ENOX1: variants seen among roughly 807,000 people sequenced by gnomAD.
ENOX1 encodes the protein ecto-NOX disulfide-thiol exchanger 1, also known as candidate growth-related and time keeping constitutive hydroquinone (NADH) oxidase.
ENOX1 carries 42 observed loss-of-function variants against 82.5 expected under a neutral mutation model. The ratio of observed to expected loss-of-function variants is 0.51; its 90% CI spans 0.40 to 0.66. ENOX1 has a LOEUF of 0.66. ENOX1 is among the 30% of genes least tolerant of loss of function. The pLI is 0.00. For synonymous variants in ENOX1, 271 were observed against 282.2 expected, an observed-to-expected ratio of 0.96 and a Z score of 0.40; for missense variants, 608 against 811.6, an observed-to-expected ratio of 0.75 and a Z score of 3.05.
At chr13:43,413,858 A>G (rs2054289398) in intron 3 of ENOX1, among the ~76,000 whole-genome samples, 1 of 151,716 alleles carries the variant, frequency 6.6e-6, no homozygotes, top group Non-Finnish European at 1.5e-5. Flanking sequence ...TAGAAATGCA[A>G]AAACAGAGCT....
chr13:43,316,171 G>A (rs919742459), intron 11 of ENOX1, among the ~76,000 whole-genome samples: 3 of 152,200 alleles, frequency 2.0e-5, no homozygotes, highest in African/African-American at 7.2e-5. Flanking sequence ...CAGGAGCTGG[G>A]AACATGCTGG....
At chr13:43,549,459 C>T (rs559564364) in intron 2 of ENOX1, among the ~76,000 whole-genome samples, 5 of 152,270 alleles carry the variant, frequency 3.3e-5, no homozygotes, top group South Asian at 2.1e-4. Flanking sequence ...AACAAAAAAA[C>T]GAGTAAAATA....
intron 14 of ENOX1, among the ~76,000 whole-genome samples, chr13:43,262,465 G>A (rs1272174066): frequency 6.6e-6 from 1 of 152,146 alleles, no homozygotes; most frequent in African/African-American, 2.4e-5. Flanking sequence ...TTGGTCCAGA[G>A]GCTTTAAACC....
chr13:43,530,364 T>C (rs1221937583), intron 2 of ENOX1, among the ~76,000 whole-genome samples: 4 of 152,156 alleles, frequency 2.6e-5, no homozygotes, highest in Non-Finnish European at 5.9e-5. Context: ...TCATCTCTGA[T>C]AGGAACCCAC....
chr13:43,730,352 T>C lies in ENOX1; in HGVS notation c.-285+56300A>G, dbSNP rs888301761. On this transcript the variant is annotated intron_variant, in intron 1 of 16. Coordinates refer to ENST00000690772, the MANE Select transcript of ENOX1 (RefSeq NM_001347969.2). ...CCTTATTCTCCACTTCTATTCTCAA[T>C]CTGTTGTTAGCACCAGCCATCCACC... 1.3e-5 allele frequency among the ~76,000 whole-genome samples: 2 copies of C among 152,278 alleles called. 1 individual carries two copies. The highest frequency in any genetic ancestry group is 1.3e-4 in the Admixed American group (2 of 15,276).
chr13:43,261,989 TAAAA>T (rs541865240), intron 14 of ENOX1, among the ~76,000 whole-genome samples: 1 of 147,468 alleles, frequency 6.8e-6, no homozygotes, highest in African/African-American at 2.5e-5. Flanking sequence ...TAAAGTATAA[TAAAA>T]AAAAAATCAT....
chr13:43,576,550 C>T (rs2080433471), intron 2 of ENOX1, among the ~76,000 whole-genome samples: 2 of 151,896 alleles, frequency 1.3e-5, no homozygotes. Flanking sequence ...AAACACATGC[C>T]AGATTTGACA....
At chr13:43,401,781 A>C (rs967585267) in intron 5 of ENOX1, among the ~76,000 whole-genome samples, 28 of 152,208 alleles carry the variant, frequency 1.8e-4, no homozygotes, top group Non-Finnish European at 3.7e-4. Context: ...TTTGCCTCAG[A>C]AACCGGATGA....
intron 15 of ENOX1, among the ~76,000 whole-genome samples, chr13:43,235,835 T>C (rs2042520483): frequency 6.6e-6 from 1 of 152,130 alleles, no homozygotes; most frequent in South Asian, 2.1e-4. Context: ...TCTTCAGTCT[T>C]AACCATGCCA....
intron 1 of ENOX1, among the ~76,000 whole-genome samples, chr13:43,751,994 C>G (rs1950347469): frequency 6.6e-6 from 1 of 152,188 alleles, no homozygotes; most frequent in Non-Finnish European, 1.5e-5. Context: ...TACATTCCCA[C>G]TAACAGTGTG....
chr13:43,778,270 T>C (rs1012299317), intron 1 of ENOX1, among the ~76,000 whole-genome samples: 1 of 152,244 alleles, frequency 6.6e-6, no homozygotes, highest in Non-Finnish European at 1.5e-5. Flanking sequence ...AAGCATTCAA[T>C]TCAAAACAGC....
chr13:43,330,226 A>T (rs1475460755), intron 9 of ENOX1, among the ~76,000 whole-genome samples: 2 of 152,236 alleles, frequency 1.3e-5, no homozygotes, highest in African/African-American at 2.4e-5. Context: ...AGAAAGATAT[A>T]ACCAGCAAAC....
chr13:43,731,527 G>GTTT (rs5803210), intron 1 of ENOX1, among the ~76,000 whole-genome samples: 12 of 147,896 alleles, frequency 8.1e-5, no homozygotes, highest in African/African-American at 1.5e-4. Flanking sequence ...TCCTGTTTTT[G>GTTT]TTTTTTTTTT....
intron 11 of ENOX1, among the ~76,000 whole-genome samples, chr13:43,303,091 C>T (rs141238881): frequency 1.7e-4 from 26 of 152,354 alleles, no homozygotes; most frequent in Middle Eastern, 3.4e-3. Context: ...GCTGGAAGGA[C>T]GCTGCTGAAC....
At chr13:43,760,498 C>A (rs1001447508) in intron 1 of ENOX1, among the ~76,000 whole-genome samples, 2 of 152,102 alleles carry the variant, frequency 1.3e-5, no homozygotes, top group African/African-American at 4.8e-5. Context: ...GCCTGGAACC[C>A]AACGTGTGCA....
chr13:43,352,766 T>C (rs900254415), intron 8 of ENOX1, among the ~76,000 whole-genome samples: 18 of 152,200 alleles, frequency 1.2e-4, no homozygotes, highest in African/African-American at 4.3e-4. Flanking sequence ...GTGTTACCTC[T>C]GGTTTCAGAA....
intron 3 of ENOX1, among the ~76,000 whole-genome samples, chr13:43,433,495 T>C (rs2055811087): frequency 6.6e-6 from 1 of 152,182 alleles, no homozygotes; most frequent in Non-Finnish European, 1.5e-5. Flanking sequence ...GAAATTTCTG[T>C]ACCTTCTGCT....
chr13:43,772,303 A>G (rs892597661), intron 1 of ENOX1, among the ~76,000 whole-genome samples: 3 of 152,178 alleles, frequency 2.0e-5, no homozygotes, highest in Non-Finnish European at 2.9e-5. Flanking sequence ...CAAGTATCAA[A>G]TTGTCTATAC....
chr13:43,404,802 A>T (rs941920533), intron 5 of ENOX1, among the ~76,000 whole-genome samples: 2 of 152,344 alleles, frequency 1.3e-5, no homozygotes, highest in South Asian at 2.1e-4. Flanking sequence ...GTAAATGCAT[A>T]GAGTGTAACA....
Sources: allele counts gnomAD v4.1 joint callset (sites outside exome capture counted in the v4.1 genomes callset), GRCh38; gene constraint gnomAD v4.1.1; transcripts MANE v1.5; gene names NCBI Gene and HGNC (gene_info 2026-07-23, HGNC 2026-07-21).